NAF1: variants seen among roughly 807,000 people sequenced by gnomAD.
NAF1 encodes the protein nuclear assembly factor 1 ribonucleoprotein.
A neutral mutation model predicts 40.6 loss-of-function variants in NAF1; 11 were observed. That is an observed-to-expected ratio of 0.27 (90% CI 0.17 to 0.45). The LOEUF is 0.45. Ranked by LOEUF, NAF1 falls within the 20% of genes least tolerant of loss-of-function variation. NAF1 has a pLI of 1.00. For synonymous variants in NAF1, 260 were observed against 228.5 expected (o/e 1.14, Z -1.24); for missense variants, 607 against 611.1 (o/e 0.99, Z 0.07).
chr4:163,161,054 A>G (rs1732198142), intron 2 of NAF1, among the ~76,000 whole-genome samples: 1 of 152,100 alleles, frequency 6.6e-6, no homozygotes, highest in Non-Finnish European at 1.5e-5. Flanking sequence ...AAGCTAAATA[A>G]CAGAATTGTC....
At chr4:163,129,852 GT>G (rs1730801472) in intron 7 of NAF1, among the ~76,000 whole-genome samples, 1 of 152,150 alleles carries the variant, frequency 6.6e-6, no homozygotes, top group Admixed American at 6.5e-5. Flanking sequence ...ATGGAGTAGA[GT>G]TAGGATTTTT....
intron 6 of NAF1, 31 bp downstream of exon 6, chr4:163,137,168 T>C (rs752766035): frequency 3.7e-6 from 6 of 1,610,978 alleles, no homozygotes; most frequent in Non-Finnish European, 5.1e-6. Context: ...CCCTACTTTA[T>C]AAAATGTTGC....
At chr4:163,148,647 T>C (rs1263475733) in intron 2 of NAF1, among the ~76,000 whole-genome samples, 1 of 152,198 alleles carries the variant, frequency 6.6e-6, no homozygotes, top group East Asian at 1.9e-4. Context: ...AGGTCTCAAG[T>C]ATACACCCCA....
At chr4:163,126,952 T>G, downstream of NAF1, 1 of 1,542,236 alleles carries the variant, frequency 6.5e-7, no homozygotes, top group Non-Finnish European at 8.7e-7. Context: ...AATTGAGATA[T>G]GCACATTGGT....
chr4:163,124,025 G>A (rs1315072972), downstream of NAF1, among the ~76,000 whole-genome samples: 5 of 152,176 alleles, frequency 3.3e-5, no homozygotes, highest in African/African-American at 1.2e-4. Context: ...TTGTGCTGCT[G>A]TAACAAAATA....
chr4:163,164,341 G>A lies in NAF1; in HGVS notation c.416C>T (p.Ser139Leu). ...SSSSSSSSSS[S>L]SSSSSSCISL... ...TATACAAGAGGAAGAAGACGACGAT[G>A]AGGAAGATGAAGAGGAAGACGATGA... The change falls in exon 2 of 8, where the codon TCA (serine) becomes TTA (leucine). Residue 139 changes from serine (S) to leucine (L), a missense_variant. Ser to Leu is a moderately radical substitution (Grantham distance 145, BLOSUM62 -2). Coordinates refer to ENST00000274054, the MANE Select transcript of NAF1 (RefSeq NM_138386.3). The A allele has an allele frequency of 2.5e-6, 4 of 1,598,570 alleles. No individual in the cohort carries two copies. Among genetic ancestry groups the A allele is most frequent in the Non-Finnish European group, 3.4e-6 (4 of 1,172,920 alleles).
intron 2 of NAF1, among the ~76,000 whole-genome samples, chr4:163,120,224 G>A (rs547137744): frequency 1.1e-4 from 16 of 152,222 alleles, no homozygotes; most frequent in Middle Eastern, 6.8e-3. Flanking sequence ...ATAATAAAAG[G>A]TTTAAAGAGC....
At chr4:163,128,658 T>A (rs915061757), downstream of NAF1, 12 of 966,520 alleles carry the variant, frequency 1.2e-5, no homozygotes, top group African/African-American at 1.9e-4. Flanking sequence ...GGAGAAGGCA[T>A]GAATTCAAAA....
intron 4 of NAF1, among the ~76,000 whole-genome samples, chr4:163,141,131 G>A (rs1483272015): frequency 6.6e-6 from 1 of 152,128 alleles, no homozygotes; most frequent in Non-Finnish European, 1.5e-5. Context: ...TTTAGGAGGT[G>A]AGGCGGGCGG....
intron 4 of NAF1, among the ~76,000 whole-genome samples, chr4:163,145,578 T>C (rs954187680): frequency 4.6e-5 from 7 of 152,176 alleles, no homozygotes; most frequent in Admixed American, 2.0e-4. Flanking sequence ...TAATAACTCA[T>C]GTGGCAAAGA....
At chr4:163,152,260 G>A (rs999487069) in intron 2 of NAF1, among the ~76,000 whole-genome samples, 3 of 152,156 alleles carry the variant, frequency 2.0e-5, no homozygotes, top group African/African-American at 7.2e-5. Context: ...AGAAATAAGT[G>A]TTGAGTTTCA....
At chr4:163,143,842 T>A (rs2110951084) in intron 4 of NAF1, 1 of 177,910 alleles carries the variant, frequency 5.6e-6, no homozygotes, top group South Asian at 1.9e-4. Flanking sequence ...TTGTCTTTTA[T>A]CAATCACTTT....
chr4:163,140,430 T>C (rs763721630), intron 4 of NAF1, 47 bp from the exon 5 acceptor site: 6 of 1,503,214 alleles, frequency 4.0e-6, no homozygotes, highest in Non-Finnish European at 4.5e-6. Flanking sequence ...AAATAACTAT[T>C]TGAAAAGTCA....
chr4:163,148,904 C>A (rs546033961), intron 2 of NAF1, among the ~76,000 whole-genome samples: 2 of 152,216 alleles, frequency 1.3e-5, no homozygotes, highest in South Asian at 4.1e-4. Flanking sequence ...ATCTTTTCTG[C>A]GACTGTGTCA....
chr4:163,124,979 TC>T (rs1303351669), downstream of NAF1, among the ~76,000 whole-genome samples: 2 of 152,226 alleles, frequency 1.3e-5, no homozygotes, highest in African/African-American at 4.8e-5. Flanking sequence ...CTGAACTTTT[TC>T]TTAACTGTTA....
intron 5 of NAF1, among the ~76,000 whole-genome samples, 164 bp from the exon 6 acceptor site, chr4:163,137,414 C>T (rs1009810486): frequency 2.0e-5 from 3 of 152,062 alleles, no homozygotes; most frequent in Non-Finnish European, 4.4e-5. Flanking sequence ...ATGTGGGAAG[C>T]TCCTAAGAAA....
chr4:163,157,160 C>T (rs1732020271), intron 2 of NAF1: 1 of 152,084 alleles, frequency 6.6e-6, no homozygotes, highest in Non-Finnish European at 1.5e-5. Context: ...ACACACTACA[C>T]AGTTCCAAGT....
At chr4:163,111,948 T>C (rs1466909976) in intron 2 of NAF1, among the ~76,000 whole-genome samples, 1 of 152,166 alleles carries the variant, frequency 6.6e-6, no homozygotes, top group Non-Finnish European at 1.5e-5. Context: ...CCATCATAGT[T>C]TGCACTGTAA....
intron 2 of NAF1, among the ~76,000 whole-genome samples, chr4:163,120,958 C>A (rs1244072584): frequency 1.3e-5 from 2 of 152,066 alleles, no homozygotes; most frequent in African/African-American, 4.8e-5. Flanking sequence ...GTGGAGCGAT[C>A]TAGGCTCACT....
Sources: gnomAD v4.1 joint callset for allele counts (sites outside exome capture counted in the v4.1 genomes callset) on GRCh38, gnomAD v4.1.1 for gene constraint, MANE v1.5 for transcripts, NCBI Gene and HGNC (gene_info 2026-07-23, HGNC 2026-07-21) for gene names.